SUMF1: variants seen among roughly 807,000 people sequenced by gnomAD.
SUMF1 encodes sulfatase modifying factor 1, also known as formylglycine-generating enzyme.
SUMF1 carries 48 observed loss-of-function variants against 47.6 expected under a neutral mutation model. The ratio of observed to expected loss-of-function variants is 1.01; its 90% confidence interval spans 0.80 to 1.28. The LOEUF is 1.28. SUMF1 is among the 50% of genes most tolerant of loss of function. The pLI, the probability that SUMF1 is intolerant of heterozygous loss-of-function variation, is 0.00. For synonymous variants in SUMF1, 230 were observed against 192.1 expected (o/e 1.20, Z -1.63); for missense variants, 571 against 485.4 (o/e 1.18, Z -1.66).
chr3:4,161,331 G>A (rs1694571657), intron 8 of SUMF1, among the ~76,000 whole-genome samples: 1 of 152,080 alleles, frequency 6.6e-6, no homozygotes, highest in African/African-American at 2.4e-5. Flanking sequence ...TTTGTTCAAG[G>A]CCCTCTACAA....
intron 8 of SUMF1, among the ~76,000 whole-genome samples, chr3:4,219,654 A>G (rs1367068710): frequency 6.6e-6 from 1 of 152,040 alleles, no homozygotes; most frequent in Non-Finnish European, 1.5e-5. Context: ...TTACTTCTCC[A>G]CCTAACAAGC....
intron 8 of SUMF1, among the ~76,000 whole-genome samples, chr3:4,376,061 C>T (rs998818868): frequency 1.3e-5 from 2 of 152,172 alleles, no homozygotes; most frequent in African/African-American, 2.4e-5. Flanking sequence ...CTGTGCAGTT[C>T]GTGGGACAAC....
chr3:4,442,367 T>C (rs1702625871), intron 3 of SUMF1, among the ~76,000 whole-genome samples: 2 of 151,422 alleles, frequency 1.3e-5, no homozygotes. Flanking sequence ...GCCATTCTCC[T>C]GCCTCAGCCT....
At chr3:4,425,450 A>G (rs1702038336) in intron 3 of SUMF1, among the ~76,000 whole-genome samples, 2 of 152,320 alleles carry the variant, frequency 1.3e-5, no homozygotes, top group South Asian at 4.1e-4. Context: ...GAGCTTTCAG[A>G]GAACATATAT....
intron 8 of SUMF1, among the ~76,000 whole-genome samples, chr3:4,138,228 T>C (rs1693990522): frequency 6.6e-6 from 1 of 152,146 alleles, no homozygotes; most frequent in East Asian, 1.9e-4. Flanking sequence ...CCCAAGGTGA[T>C]CTACAGTTTC....
intron 8 of SUMF1, chr3:4,303,848 G>A (rs1698062388): frequency 7.5e-7 from 1 of 1,328,006 alleles, no homozygotes; most frequent in Admixed American, 2.3e-5. Flanking sequence ...TTACCTCCCT[G>A]GTCTCAGGTG....
intron 8 of SUMF1, among the ~76,000 whole-genome samples, chr3:4,368,955 G>C (rs1451818453): frequency 6.6e-6 from 1 of 152,104 alleles, no homozygotes; most frequent in Non-Finnish European, 1.5e-5. Context: ...ACTGGTTAAA[G>C]AAGTTTCACA....
At chr3:4,231,205 T>C (rs1053211310) in intron 8 of SUMF1, among the ~76,000 whole-genome samples, 3 of 152,128 alleles carry the variant, frequency 2.0e-5, no homozygotes, top group African/African-American at 7.2e-5. Context: ...GGAACGCATT[T>C]ATTACAAGAA....
intron 8 of SUMF1, chr3:4,229,353 T>G: frequency 2.4e-6 from 1 of 416,662 alleles, no homozygotes; most frequent in Admixed American, 2.7e-5. Flanking sequence ...ACCTTTCTTA[T>G]AAATGTCCAC....
At chr3:4,142,706 T>G (rs920797169) in intron 8 of SUMF1, among the ~76,000 whole-genome samples, 1 of 152,000 alleles carries the variant, frequency 6.6e-6, no homozygotes, top group African/African-American at 2.4e-5. Flanking sequence ...CTTAAAACTT[T>G]TTGAATTACA....
rs146706449 is a variant in SUMF1 at position 4,132,514 on chromosome 3, G to A, written c.1015-63769C>T. On this transcript the variant is annotated intron_variant and NMD_transcript_variant, in intron 8 of 12. Transcript: ENST00000448413. ...GTTTCTCCCATAGCCAGGATTCATC[G>A]GTCCAGGTATCAAGGGGTGAAAGTG... Among the ~76,000 whole-genome samples, 207 of 152,076 alleles carry A rather than the reference G, an allele frequency of 1.4e-3. 1 individual carries two copies. The highest frequency in any genetic ancestry group is 2.8e-3 in the African/African-American group (116 of 41,460).
chr3:4,449,354 A>G lies in SUMF1; in HGVS notation c.445-14T>C, dbSNP rs1228232749. On this transcript the variant is annotated splice_polypyrimidine_tract_variant and intron_variant, in intron 2 of 8. Coordinates refer to ENST00000272902, the MANE Select transcript of SUMF1 (RefSeq NM_182760.4). ...AAACTTCTCAGCCTATAAGGAAGGT[A>G]GGAAATAAAAATCCAGAAAAGGTTG... 2 of 1,613,904 alleles carry G rather than the reference A, an allele frequency of 1.2e-6. No homozygotes were observed. Among genetic ancestry groups the G allele is most frequent in the Admixed American group, 3.3e-5 (2 of 60,006 alleles).
chr3:4,071,654 C>T (rs909546346), intron 8 of SUMF1, among the ~76,000 whole-genome samples: 2 of 152,182 alleles, frequency 1.3e-5, no homozygotes, highest in African/African-American at 4.8e-5. Flanking sequence ...CTTGAGTAGG[C>T]GTTTTTATGC....
At chr3:4,272,430 C>T (rs974111361) in intron 8 of SUMF1, among the ~76,000 whole-genome samples, 7 of 152,178 alleles carry the variant, frequency 4.6e-5, no homozygotes, top group Non-Finnish European at 1.0e-4. Flanking sequence ...CATCAACCAG[C>T]CGTTGGATAC....
chr3:4,362,290 G>A (rs181406857), intron 8 of SUMF1, 36 bp from the exon 9 acceptor site: 12 of 1,575,452 alleles, frequency 7.6e-6, no homozygotes, highest in East Asian at 2.2e-5. Flanking sequence ...AGTGCTACTG[G>A]GACTCTCAGC....
At chr3:4,275,400 T>C (rs1360598955) in intron 8 of SUMF1, among the ~76,000 whole-genome samples, 1 of 152,120 alleles carries the variant, frequency 6.6e-6, no homozygotes, top group Non-Finnish European at 1.5e-5. Flanking sequence ...TAAAATGGAC[T>C]ACTTCCAGAT....
At chr3:4,339,867 A>T (rs1294241951) in intron 8 of SUMF1, among the ~76,000 whole-genome samples, 1 of 152,186 alleles carries the variant, frequency 6.6e-6, no homozygotes, top group African/African-American at 2.4e-5. Context: ...GCTTCAGCCC[A>T]GGAGTTCAAG....
intron 8 of SUMF1, among the ~76,000 whole-genome samples, chr3:4,119,630 T>C (rs1267158784): frequency 6.6e-6 from 1 of 152,112 alleles, no homozygotes; most frequent in Non-Finnish European, 1.5e-5. Flanking sequence ...GTTCCCAATA[T>C]CCTGATATCC....
chr3:4,099,429 C>G (rs1281273600), intron 8 of SUMF1, among the ~76,000 whole-genome samples: 1 of 152,050 alleles, frequency 6.6e-6, no homozygotes, highest in Non-Finnish European at 1.5e-5. Context: ...AATTAAAACT[C>G]TCAACAAATT....
Sources: gnomAD v4.1 joint callset for allele counts (sites outside exome capture counted in the v4.1 genomes callset) on GRCh38, gnomAD v4.1.1 for gene constraint, MANE v1.5 for transcripts, NCBI Gene and HGNC (gene_info 2026-07-23, HGNC 2026-07-21) for gene names.